Variants in C2CD3 observed in about 807,000 individuals in gnomAD.
C2CD3 encodes the protein C2 domain-containing protein 3.
A neutral mutation model predicts 234.0 loss-of-function variants in C2CD3; 148 were observed. That is an observed-to-expected ratio of 0.63 (90% CI 0.55 to 0.72). The LOEUF is 0.72. Ranked by LOEUF, C2CD3 falls within the 30% of genes least tolerant of loss-of-function variation. The probability of loss-of-function intolerance (pLI) is 0.00; values close to 1 mark genes in which losing one functional copy is unlikely to be tolerated. For missense variants in C2CD3, 2,577 were observed against 2,811.5 expected, an observed-to-expected ratio of 0.92 and a Z score of 1.89; for synonymous variants, 1,000 against 1,035.4, an observed-to-expected ratio of 0.97 and a Z score of 0.66.
rs1168472323 is a variant in C2CD3, at chr11:74,013,284, G to GT, written c.*100dup. The GT allele has an allele frequency of 2.3e-6, 1 of 439,278 alleles. No individual in the cohort carries two copies. The highest frequency in any genetic ancestry group is 4.0e-6 in the Non-Finnish European group (1 of 248,810). The allele number at this position is 439,278 out of a possible 1,614,324, so 27.2% of individuals were successfully genotyped here. On this transcript the variant is annotated 3_prime_UTR_variant, in exon 33 of 33. Coordinates refer to ENST00000334126, the MANE Select transcript of C2CD3 (RefSeq NM_001286577.2). ...CTAGGCAAGTGGTGGTTTCAGGACTGTGACAGCCCTGAAGGAGCCAGACCT... is the reference window on the plus strand; with the variant it reads ...CTAGGCAAGTGGTGGTTTCAGGACTGTTGACAGCCCTGAAGGAGCCAGACCT...
At chr11:74,026,699 GT>G (rs1952312042) in intron 32 of C2CD3, among the ~76,000 whole-genome samples, 1 of 152,216 alleles carries the variant, frequency 6.6e-6, no homozygotes. Context: ...GCCGGGCGCA[GT>G]GGCTCACGCC....
In C2CD3 at chr11:74,013,317, C is replaced by T. The variant is rs185258449; in HGVS notation, c.*68G>A. 92 of 511,166 alleles carry T rather than the reference C, an allele frequency of 1.8e-4. No individual in the cohort carries two copies. The highest frequency in any genetic ancestry group is 1.6e-3 in the African/African-American group (79 of 50,138). 31.7% of individuals were successfully genotyped at this position (511,166 alleles called of 1,614,324 possible). On this transcript the variant is annotated 3_prime_UTR_variant, in exon 33 of 33. Coordinates refer to ENST00000334126, the MANE Select transcript of C2CD3 (RefSeq NM_001286577.2). ...CCTGAAGGAGCCAGACCTGGTGCCT[C>T]CTGCAAGCTGGACAAAGCTGACGGA...
At chr11:74,036,611 A>C in intron 30 of C2CD3, 1 of 428,312 alleles carries the variant, frequency 2.3e-6, no homozygotes, top group East Asian at 7.0e-5. Context: ...CTCAAGCAAA[A>C]ACAAGTGAGG....
In C2CD3 at chr11:74,033,894, C is replaced by G. The variant is rs1046019474; in HGVS notation, c.6266G>C (p.Ser2089Thr). 1.3e-5 allele frequency: 20 copies of G among 1,536,234 alleles called. No homozygotes were observed. The highest frequency in any genetic ancestry group is 1.7e-5 in the Non-Finnish European group (19 of 1,146,924). ...GACCTCACTTGTGTCTGATATGACA[C>G]TAGACCAAGGGCTAGTTTTGTCTGT... is the stretch of plus-strand genomic sequence containing the variant. ...TVTDKTSPWS[S>T]VISDTSEVIS... The change falls in exon 31 of 33, where the codon AGT becomes ACT. Residue 2089 changes from serine (S) to threonine (T), a missense_variant. By Grantham distance (58) the Ser-to-Thr change is moderately conservative. Coordinates refer to ENST00000334126, the MANE Select transcript of C2CD3 (RefSeq NM_001286577.2).
intron 9 of C2CD3, among the ~76,000 whole-genome samples, chr11:74,116,969 T>C (rs1409202889): frequency 8.2e-6 from 1 of 121,906 alleles, no homozygotes; most frequent in Admixed American, 8.2e-5. Flanking sequence ...TATATACACA[T>C]ATACACGTAT....
In C2CD3 at chr11:74,170,698, T is replaced by C. The variant is rs945310217; in HGVS notation, c.55+40A>G. On this transcript the variant is annotated intron_variant, in intron 1 of 32. Coordinates refer to ENST00000334126, the MANE Select transcript of C2CD3 (RefSeq NM_001286577.2). ...CCCTAAAATTCCTTACACCCTGCTC[T>C]CCTATTACGCTTTCCTCAATCTTTG... The C allele has an allele frequency of 3.7e-6, 6 of 1,613,100 alleles. No individual in the cohort carries two copies. The Admixed American group carries it at 1.0e-4, about 27-fold the overall frequency.
At chr11:74,170,476 ATTGT>A (rs1857104861) in intron 1 of C2CD3, among the ~76,000 whole-genome samples, 1 of 152,046 alleles carries the variant, frequency 6.6e-6, no homozygotes, top group Non-Finnish European at 1.5e-5. Flanking sequence ...CAATCCCATC[ATTGT>A]TTGTTCTTCT....
In C2CD3 at chr11:74,042,007, T is replaced by C. The variant is rs370342055; in HGVS notation, c.5660+47A>G. ...TGCACATTGCCATTTCTCATTCACC[T>C]TGTGCCCCACTATGGTTTCCTGTGT... On this transcript the variant is annotated intron_variant, in intron 29 of 32. Coordinates refer to ENST00000334126, the MANE Select transcript of C2CD3 (RefSeq NM_001286577.2). The C allele has an allele frequency of 7.9e-5, 126 of 1,589,290 alleles. No individual in the cohort carries two copies. In the African/African-American group the frequency reaches 1.4e-3, roughly 18 times the overall value.
intron 30 of C2CD3, among the ~76,000 whole-genome samples, chr11:74,035,244 A>G (rs826072): frequency 0.15 from 22,292 of 152,188 alleles, 4,675 homozygotes; most frequent in African/African-American, 0.47. Flanking sequence ...GACGAAAATG[A>G]AACATTACTA....
At chr11:74,032,435 C>G (rs994693800) in intron 31 of C2CD3, among the ~76,000 whole-genome samples, 2 of 152,010 alleles carry the variant, frequency 1.3e-5, no homozygotes, top group Admixed American at 6.6e-5. Flanking sequence ...GTTTCCTTTC[C>G]CCATAACATG....
intron 14 of C2CD3, 112 bp downstream of exon 14, chr11:74,103,019 C>T (rs1315968094): frequency 1.3e-5 from 14 of 1,069,858 alleles, no homozygotes; most frequent in Non-Finnish European, 9.6e-6. Flanking sequence ...CAGATAATTA[C>T]GAAGGTTCCT....
intron 7 of C2CD3, among the ~76,000 whole-genome samples, chr11:74,132,278 G>A (rs1055527505): frequency 2.0e-5 from 3 of 152,158 alleles, no homozygotes; most frequent in African/African-American, 7.2e-5. Flanking sequence ...TTGAACCCAG[G>A]AGGAGGAGGT....
intron 3 of C2CD3, among the ~76,000 whole-genome samples, chr11:74,141,090 A>C (rs1385653351): frequency 6.6e-6 from 1 of 152,240 alleles, no homozygotes; most frequent in Admixed American, 6.5e-5. Flanking sequence ...TTGTTTAAGC[A>C]CCCAAAGACC....
At chr11:74,085,420 C>A in intron 21 of C2CD3, 198 bp downstream of exon 21, 1 of 578,982 alleles carries the variant, frequency 1.7e-6, no homozygotes, top group Admixed American at 3.0e-5. Flanking sequence ...GACACATTTG[C>A]TTTATTTCTC....
Position 74,034,291 on chromosome 11 carries a change from AC to A in C2CD3, c.5882-14del. 6.5e-7 allele frequency: 1 copy of A among 1,530,276 alleles called. No individual in the cohort carries two copies. The highest frequency in any genetic ancestry group is 8.7e-7 in the Non-Finnish European group (1 of 1,143,414). The allele number at this position is 1,530,276 out of a possible 1,614,324, so 94.8% of individuals were successfully genotyped here. On this transcript the variant is annotated splice_polypyrimidine_tract_variant and intron_variant, in intron 30 of 32. Transcript: ENST00000334126. ...ATAGTCTGCAGATCTGAACAGCAAC[AC>A]ATATCACTCTTATTACAAGGTAGGG...
Position 74,037,638 on chromosome 11 carries a change from A to G in C2CD3, c.5721T>C (p.Pro1907=), listed in dbSNP as rs149243510. The G allele has an allele frequency of 1.9e-6, 3 of 1,614,016 alleles. No homozygotes were observed. Among genetic ancestry groups the G allele is most frequent in the Admixed American group, 1.7e-5 (1 of 59,998 alleles). Residue 1907 remains proline, a synonymous_variant, in exon 30 of 33, where the codon CCT becomes CCC. Coordinates refer to ENST00000334126, the MANE Select transcript of C2CD3 (RefSeq NM_001286577.2). The stretch of plus-strand genomic sequence containing the variant: ...GAGTCTGAGGGCTGAGGGGTAGGAA[A>G]GGCTTGGTGAGCTTCTGGCGGAAGT... ...QRYFRQKLTK[P]FLPLSPQTQT... is the part of the protein sequence containing the mutation.
intron 2 of C2CD3, chr11:74,164,234 A>G (rs1449108763): frequency 1.8e-5 from 17 of 959,532 alleles, no homozygotes; most frequent in Non-Finnish European, 2.1e-5. Context: ...CATTCCTACT[A>G]ACTGAATCCT....
At chr11:74,154,271 T>C (rs187816531) in intron 3 of C2CD3, among the ~76,000 whole-genome samples, 217 of 152,062 alleles carry the variant, frequency 1.4e-3, no homozygotes, top group African/African-American at 5.1e-3. Flanking sequence ...CCTGATTTCA[T>C]TGAAAGAAAA....
chr11:74,072,802 T>A (rs907198648), intron 24 of C2CD3, among the ~76,000 whole-genome samples: 2 of 152,148 alleles, frequency 1.3e-5, no homozygotes, highest in Non-Finnish European at 1.5e-5. Flanking sequence ...AATAAATGAA[T>A]GCATGATGAA....
Sources: allele counts gnomAD v4.1 joint callset (sites outside exome capture counted in the v4.1 genomes callset), GRCh38; gene constraint gnomAD v4.1.1; transcripts MANE v1.5; gene names NCBI Gene and HGNC (gene_info 2026-07-23, HGNC 2026-07-21).